NAV2: variants seen among roughly 807,000 people sequenced by gnomAD.
NAV2 encodes neuron navigator 2, also known as helicase, APC down-regulated 1.
NAV2 carries 54 observed loss-of-function variants against 223.2 expected under a neutral mutation model. The ratio of observed to expected loss-of-function variants is 0.24; its 90% confidence interval spans 0.19 to 0.30. NAV2 has a LOEUF of 0.30. NAV2 is among the 10% of genes least tolerant of loss of function. The pLI, the probability that NAV2 is intolerant of heterozygous loss-of-function variation, is 1.00. For synonymous variants in NAV2, 1,279 were observed against 1,239.3 expected (o/e 1.03, Z -0.67); for missense variants, 2,806 against 3,147.5 (o/e 0.89, Z 2.60).
At chr11:19,390,988 T>G (rs1849225661) in intron 1 of NAV2, among the ~76,000 whole-genome samples, 1 of 152,174 alleles carries the variant, frequency 6.6e-6, no homozygotes, top group African/African-American at 2.4e-5. Flanking sequence ...CTACTCTAAT[T>G]CATTCCTGTC....
chr11:19,361,486 C>T (rs1002689822), intron 1 of NAV2, among the ~76,000 whole-genome samples: 1 of 151,954 alleles, frequency 6.6e-6, no homozygotes, highest in African/African-American at 2.4e-5. Context: ...CATTTGGTAT[C>T]TAGGTTGCTT....
intron 1 of NAV2, among the ~76,000 whole-genome samples, chr11:19,486,462 T>C (rs1047076196): frequency 1.3e-5 from 2 of 152,180 alleles, no homozygotes; most frequent in Non-Finnish European, 2.9e-5. Context: ...GAGGGACCCA[T>C]TGGGAGGTAA....
At chr11:19,990,624 A>G (rs1370462151) in intron 11 of NAV2, among the ~76,000 whole-genome samples, 1 of 151,858 alleles carries the variant, frequency 6.6e-6, no homozygotes, top group African/African-American at 2.4e-5. Flanking sequence ...CTCTTTGACC[A>G]CTAATCCCAC....
At chr11:19,545,377 T>C (rs1171475778) in intron 1 of NAV2, among the ~76,000 whole-genome samples, 2 of 152,246 alleles carry the variant, frequency 1.3e-5, no homozygotes, top group African/African-American at 4.8e-5. Flanking sequence ...GACTGATATT[T>C]GTCTGCATGT....
At chr11:19,857,153 C>A (rs758268119) in intron 3 of NAV2, among the ~76,000 whole-genome samples, 1 of 152,244 alleles carries the variant, frequency 6.6e-6, no homozygotes, top group Non-Finnish European at 1.5e-5. Flanking sequence ...TGAAGATTCA[C>A]TGCACTCTAG....
intron 1 of NAV2, among the ~76,000 whole-genome samples, chr11:19,412,137 C>T (rs780006606): frequency 1.3e-5 from 2 of 152,104 alleles, no homozygotes; most frequent in Non-Finnish European, 2.9e-5. Context: ...TCAGCAGCTC[C>T]CACCCCCACA....
At chr11:20,072,428 G>C (rs1023178280) in intron 22 of NAV2, among the ~76,000 whole-genome samples, 1 of 148,022 alleles carries the variant, frequency 6.8e-6, no homozygotes, top group Non-Finnish European at 1.5e-5. Flanking sequence ...CTCTTTTTTG[G>C]TTCCATATGA....
At chr11:19,679,945 C>G (rs1342614653) in intron 1 of NAV2, among the ~76,000 whole-genome samples, 1 of 152,196 alleles carries the variant, frequency 6.6e-6, no homozygotes, top group Admixed American at 6.5e-5. Context: ...GGAGCCCTAC[C>G]TATTGGGCAC....
chr11:20,022,763 C>G, intron 11 of NAV2: 1 of 1,121,278 alleles, frequency 8.9e-7, no homozygotes, highest in Non-Finnish European at 1.1e-6. Context: ...CCCCTGGGAC[C>G]ACATGGAGGG....
At position 20,044,054 on chromosome 11, in the gene NAV2, G is replaced by A. The variant is rs1378594552; in HGVS notation, c.2981G>A (p.Gly994Glu). ...WSGDDVKKSD[G>E]GSDSGIKMEP... ...GGTGATGATGTCAAGAAATCAGACG[G>A]AGGCTCAGACAGCGGCATAAAAATG... The change falls in exon 13 of 38, where the codon GGA becomes GAA. Residue 994 changes from glycine (G) to glutamate (E), a missense_variant. Coordinates refer to ENST00000349880, the MANE Select transcript of NAV2 (RefSeq NM_145117.5). 6.2e-7 allele frequency: 1 copy of A among 1,614,192 alleles called. No homozygotes were observed. The highest frequency in any genetic ancestry group is 8.5e-7 in the Non-Finnish European group (1 of 1,180,024).
chr11:20,113,699 A>G (rs1198924447), intron 36 of NAV2, among the ~76,000 whole-genome samples: 4 of 152,190 alleles, frequency 2.6e-5, no homozygotes, highest in Admixed American at 2.6e-4. Context: ...ACCCATTTCA[A>G]GAAACGGGGT....
Position 19,660,619 on chromosome 11 carries a change from T to C in NAV2, c.76-171865T>C, listed in dbSNP as rs80286666. Among the ~76,000 whole-genome samples the C allele has an allele frequency of 2.8e-3, 424 of 152,300 alleles. 3 individuals carry two copies. The highest frequency in any genetic ancestry group is 9.8e-3 in the African/African-American group (406 of 41,562). On this transcript the variant is annotated intron_variant, in intron 1 of 37. Coordinates refer to the NAV2 transcript ENST00000360655. ...TCTGGTTTCAGACACCTAGACAGCGTTCCTCAACCTTTCTGATCCCATGTC... is the reference window on the plus strand; with the variant it reads ...TCTGGTTTCAGACACCTAGACAGCGCTCCTCAACCTTTCTGATCCCATGTC...
At chr11:19,947,741 A>G (rs563744637) in intron 9 of NAV2, among the ~76,000 whole-genome samples, 1 of 152,374 alleles carries the variant, frequency 6.6e-6, no homozygotes, top group Admixed American at 6.5e-5. Flanking sequence ...ATCCTTGGGC[A>G]GATTCTAGTC....
At chr11:19,928,219 G>T (rs989353694) in intron 6 of NAV2, among the ~76,000 whole-genome samples, 2 of 22,240 alleles carry the variant, frequency 9.0e-5, no homozygotes, top group Non-Finnish European at 2.0e-4. Context: ...TTTTTTATTT[G>T]TATTTTCCTT....
intron 1 of NAV2, among the ~76,000 whole-genome samples, chr11:19,823,891 A>G (rs2059519288): frequency 6.6e-6 from 1 of 152,150 alleles, no homozygotes; most frequent in Non-Finnish European, 1.5e-5. Context: ...CGTTCTACAC[A>G]CATATCTGAG....
intron 11 of NAV2, among the ~76,000 whole-genome samples, chr11:20,007,865 A>G (rs1007238443): frequency 2.0e-4 from 31 of 152,230 alleles, no homozygotes; most frequent in Non-Finnish European, 4.3e-4. Context: ...ATCCCCGCAC[A>G]CACTTTAGAT....
At chr11:19,644,035 G>A (rs756637635) in intron 1 of NAV2, among the ~76,000 whole-genome samples, 58 of 151,370 alleles carry the variant, frequency 3.8e-4, no homozygotes, top group Non-Finnish European at 6.3e-4. Flanking sequence ...ACCCCTGTGC[G>A]TATGTGTCTG....
At chr11:19,526,413 T>C (rs777204940) in intron 1 of NAV2, among the ~76,000 whole-genome samples, 1 of 152,108 alleles carries the variant, frequency 6.6e-6, no homozygotes, top group African/African-American at 2.4e-5. Flanking sequence ...TGCATTTGAA[T>C]TGGAGATCAA....
At chr11:19,460,309 C>T (rs150276187) in intron 1 of NAV2, among the ~76,000 whole-genome samples, 1 of 152,150 alleles carries the variant, frequency 6.6e-6, no homozygotes, top group African/African-American at 2.4e-5. Context: ...TCAAATCCAG[C>T]TTTCTTATTT....
Sources: allele counts gnomAD v4.1 joint callset (sites outside exome capture counted in the v4.1 genomes callset), GRCh38; gene constraint gnomAD v4.1.1; transcripts MANE v1.5; gene names NCBI Gene and HGNC (gene_info 2026-07-23, HGNC 2026-07-21).